Variants in PTK2 observed in about 807,000 individuals in gnomAD.
The protein encoded by PTK2 is focal adhesion kinase 1.
A neutral mutation model predicts 150.1 loss-of-function variants in PTK2; 45 were observed. The observed-to-expected ratio is 0.30, with a 90% CI of 0.24 to 0.38. PTK2 has a LOEUF of 0.38. Ranked by LOEUF, PTK2 falls within the 10% of genes least tolerant of loss-of-function variation. The pLI is 1.00. For missense variants in PTK2, 919 were observed against 1,307.3 expected (o/e 0.70, Z 4.58); for synonymous variants, 432 against 449.2 (o/e 0.96, Z 0.48).
intron 19 of PTK2, among the ~76,000 whole-genome samples, chr8:140,744,081 TC>T (rs2100057332): frequency 1.3e-5 from 1 of 75,960 alleles, no homozygotes; most frequent in African/African-American, 1.0e-4. Context: ...CCGGCCTATT[TC>T]TTTTTTTTTT....
chr8:140,925,902 T>C (rs1455320052), intron 1 of PTK2, among the ~76,000 whole-genome samples, 153 bp from the exon 2 acceptor site: 3 of 152,214 alleles, frequency 2.0e-5, no homozygotes, highest in Non-Finnish European at 2.9e-5. Flanking sequence ...AATGAAAATA[T>C]AATTTTGACA....
intron 1 of PTK2, among the ~76,000 whole-genome samples, chr8:140,968,420 C>A (rs2100186059): frequency 1.3e-5 from 2 of 152,040 alleles, no homozygotes; most frequent in African/African-American, 4.8e-5. Context: ...ATATGACTAG[C>A]CAAGCACTAA....
At chr8:140,710,136 G>GA (rs1211327988) in intron 23 of PTK2, among the ~76,000 whole-genome samples, 2 of 151,792 alleles carry the variant, frequency 1.3e-5, no homozygotes, top group African/African-American at 4.8e-5. Context: ...GCAACACGGT[G>GA]AAAAAAATAT....
chr8:140,955,344 T>C (rs1338760397), intron 1 of PTK2, among the ~76,000 whole-genome samples: 1 of 152,172 alleles, frequency 6.6e-6, no homozygotes, highest in Non-Finnish European at 1.5e-5. Context: ...GGAGTTCCCC[T>C]GCACACACTC....
At chr8:140,801,976 AGTATAGCACATACGATTAT>A (rs1360562482) in intron 11 of PTK2, among the ~76,000 whole-genome samples, 1 of 152,190 alleles carries the variant, frequency 6.6e-6, no homozygotes, top group Non-Finnish European at 1.5e-5. Flanking sequence ...GTCTTATAAA[AGTATAGCACATACGATTAT>A]GTACAGCACA....
Position 140,677,920 on chromosome 8 carries a change from G to T in PTK2, c.2563-2421C>A, listed in dbSNP as rs111530696. Among the ~76,000 whole-genome samples the T allele has an allele frequency of 2.5e-3, 387 of 152,356 alleles. 7 individuals carry two copies. Among genetic ancestry groups the T allele is most frequent in the African/African-American group, 8.7e-3 (363 of 41,588 alleles). On this transcript the variant is annotated intron_variant, in intron 27 of 31. Transcript: ENST00000522684. ...GGAGCAAACAGCTAACAATGCAGTGGAAGGAGACAGGTAATAAACAATGAA... is the reference window on the plus strand; with the variant it reads ...GGAGCAAACAGCTAACAATGCAGTGTAAGGAGACAGGTAATAAACAATGAA...
At chr8:140,990,309 A>T (rs1034818022) in intron 1 of PTK2, among the ~76,000 whole-genome samples, 1 of 151,318 alleles carries the variant, frequency 6.6e-6, no homozygotes, top group Non-Finnish European at 1.5e-5. Flanking sequence ...ATCATGGCTC[A>T]CTGTAGACTT....
chr8:140,945,559 C>T (rs2154608955), intron 1 of PTK2, among the ~76,000 whole-genome samples: 1 of 151,768 alleles, frequency 6.6e-6, no homozygotes, highest in South Asian at 2.1e-4. Flanking sequence ...CACTGTACTA[C>T]AGCCTGGGTG....
intron 23 of PTK2, among the ~76,000 whole-genome samples, chr8:140,715,834 T>A (rs1308952435): frequency 6.6e-6 from 1 of 152,220 alleles, no homozygotes; most frequent in Non-Finnish European, 1.5e-5. Flanking sequence ...CTAGTCTTTG[T>A]ACTCTGAAAC....
intron 14 of PTK2, among the ~76,000 whole-genome samples, chr8:140,785,104 G>T (rs890901108): frequency 2.6e-5 from 4 of 152,092 alleles, no homozygotes; most frequent in Non-Finnish European, 5.9e-5. Context: ...TCCTAGGAAG[G>T]AATCTAGAAC....
intron 17 of PTK2, among the ~76,000 whole-genome samples, chr8:140,749,023 C>T (rs968496991): frequency 6.6e-6 from 1 of 152,190 alleles, no homozygotes; most frequent in Admixed American, 6.5e-5. Flanking sequence ...TAGCTGGTAT[C>T]GCCCATTGTG....
chr8:140,996,992 A>C (rs1447458356), intron 1 of PTK2, among the ~76,000 whole-genome samples: 1 of 152,234 alleles, frequency 6.6e-6, no homozygotes, highest in African/African-American at 2.4e-5. Flanking sequence ...GAAAGGATTC[A>C]CCATTCTAGA....
At chr8:140,799,867 C>T (rs71514693) in intron 12 of PTK2, among the ~76,000 whole-genome samples, 2,593 of 152,286 alleles carry the variant, frequency 0.017, 40 homozygotes, top group Non-Finnish European at 0.028. Flanking sequence ...ACTATGTATG[C>T]TATTATCCTG....
exon 27 of PTK2, chr8:140,686,632 C>T: frequency 1.9e-6 from 3 of 1,612,642 alleles, no homozygotes; most frequent in Non-Finnish European, 2.5e-6. Flanking sequence ...TCAGGCTTAC[C>T]GGACCCTGAA....
exon 21 of PTK2, chr8:140,739,029 A>G: frequency 2.5e-6 from 4 of 1,571,200 alleles, no homozygotes; most frequent in Non-Finnish European, 3.5e-6. Context: ...AAACATCCAT[A>G]CGTCACTAGC....
At chr8:140,683,955 C>T (rs955778468) in intron 27 of PTK2, among the ~76,000 whole-genome samples, 3 of 152,122 alleles carry the variant, frequency 2.0e-5, no homozygotes, top group African/African-American at 7.2e-5. Flanking sequence ...GAAACAAGAC[C>T]AGGATGCCCA....
At chr8:140,935,433 GATGTATCC>G (rs1356892281) in intron 1 of PTK2, among the ~76,000 whole-genome samples, 3 of 152,098 alleles carry the variant, frequency 2.0e-5, no homozygotes, top group Admixed American at 6.5e-5. Flanking sequence ...CCTAGGCTGC[GATGTATCC>G]ATGGTTCTCT....
At position 140,697,443 on chromosome 8, in the gene PTK2, TGTGTGTGTGTG is replaced by T. The variant is rs1564587534; in HGVS notation, c.2499+3437_2499+3447del. 4.6e-4 allele frequency among the ~76,000 whole-genome samples: 69 copies of T among 151,464 alleles called. 2 individuals are homozygous for T. The East Asian group carries it at 0.013, about 28-fold the overall frequency. ...GTGTGTGTGTGTGTGTGTGTGTGTG[TGTGTGTGTGTG>T]TTTTTAAACGGAGTCTTGCTCTGTT... is the stretch of plus-strand genomic sequence containing the variant. On this transcript the variant is annotated intron_variant, in intron 26 of 31. Transcript: ENST00000522684.
At chr8:140,691,680 C>T (rs1292227203) in intron 26 of PTK2, among the ~76,000 whole-genome samples, 5 of 152,164 alleles carry the variant, frequency 3.3e-5, no homozygotes, top group Admixed American at 6.5e-5. Flanking sequence ...ATTGTCCATG[C>T]CTCTTTGGAC....
Sources: allele counts gnomAD v4.1 joint callset (sites outside exome capture counted in the v4.1 genomes callset), GRCh38; gene constraint gnomAD v4.1.1; transcripts MANE v1.5; gene names NCBI Gene and HGNC (gene_info 2026-07-23, HGNC 2026-07-21).